Variants in ZNF827 observed in about 807,000 individuals in gnomAD.
ZNF827 encodes the protein zinc finger protein 827.
In ZNF827, 13 loss-of-function variants were observed where a neutral mutation model predicts 102.4. The ratio of observed to expected loss-of-function variants is 0.13; its 90% confidence interval spans 0.08 to 0.20. The LOEUF (loss-of-function observed/expected upper bound fraction) is 0.20, where lower values mean the gene tolerates loss of function less well. Among genes scored for constraint, ZNF827 ranks in the 10% least tolerant of loss-of-function variants. The pLI is 1.00. For missense variants in ZNF827, 1,103 were observed against 1,344.4 expected, an observed-to-expected ratio of 0.82 and a Z score of 2.81; for synonymous variants, 523 against 536.2, an observed-to-expected ratio of 0.98 and a Z score of 0.34.
chr4:145,804,622 TG>T, intron 8 of ZNF827, among the ~76,000 whole-genome samples: 1 of 152,232 alleles, frequency 6.6e-6, no homozygotes, highest in Admixed American at 6.5e-5. Flanking sequence ...AGGTGGGAAC[TG>T]GTACATTTAG....
chr4:145,871,132 T>C (rs1748649551), intron 4 of ZNF827, among the ~76,000 whole-genome samples: 1 of 152,150 alleles, frequency 6.6e-6, no homozygotes, highest in Non-Finnish European at 1.5e-5. Flanking sequence ...ACAGTTTTTA[T>C]TTTGGAATAA....
intron 4 of ZNF827, among the ~76,000 whole-genome samples, chr4:145,873,997 C>A (rs1417788519): frequency 6.6e-6 from 1 of 151,348 alleles, no homozygotes; most frequent in Non-Finnish European, 1.5e-5. Flanking sequence ...TTTTAAAATT[C>A]TAAGATGAAG....
intron 7 of ZNF827, among the ~76,000 whole-genome samples, chr4:145,842,710 G>C (rs1200416113): frequency 1.3e-5 from 2 of 152,176 alleles, no homozygotes; most frequent in Middle Eastern, 6.3e-3. Flanking sequence ...GCATGAGAAA[G>C]GCAAGGGAAG....
chr4:145,768,060 T>C (rs948596772), intron 11 of ZNF827, among the ~76,000 whole-genome samples: 1 of 152,210 alleles, frequency 6.6e-6, no homozygotes, highest in East Asian at 1.9e-4. Flanking sequence ...ATGACAATAG[T>C]ATAAACGCTA....
chr4:145,854,237 A>G (rs539565325), intron 5 of ZNF827, among the ~76,000 whole-genome samples: 1 of 151,976 alleles, frequency 6.6e-6, no homozygotes, highest in Non-Finnish European at 1.5e-5. Flanking sequence ...TAAGTATTCA[A>G]GTTTCCCACA....
At chr4:145,901,153 C>T (rs914601201) in intron 2 of ZNF827, among the ~76,000 whole-genome samples, 23 of 152,298 alleles carry the variant, frequency 1.5e-4, no homozygotes, top group Middle Eastern at 3.4e-3. Flanking sequence ...ATTCCAAACC[C>T]TCTTCATCAT....
intron 8 of ZNF827, among the ~76,000 whole-genome samples, chr4:145,805,681 G>A (rs544139687): frequency 6.6e-6 from 1 of 152,202 alleles, no homozygotes; most frequent in East Asian, 1.9e-4. Context: ...CATTCCAATG[G>A]TTCCTGGCAT....
At chr4:145,918,420 A>G (rs1752835676) in intron 1 of ZNF827, among the ~76,000 whole-genome samples, 1 of 151,546 alleles carries the variant, frequency 6.6e-6, no homozygotes, top group African/African-American at 2.4e-5. Flanking sequence ...ATATATAAAA[A>G]AAAAAAGCGG....
At chr4:145,831,882 T>G (rs1744242848) in intron 7 of ZNF827, 1 of 152,030 alleles carries the variant, frequency 6.6e-6, no homozygotes, top group Admixed American at 6.6e-5. Flanking sequence ...GGTTAAAAAA[T>G]TTCATAATAA....
At chr4:145,789,771 G>A (rs928841903) in intron 8 of ZNF827, among the ~76,000 whole-genome samples, 6 of 152,122 alleles carry the variant, frequency 3.9e-5, no homozygotes, top group African/African-American at 1.2e-4. Context: ...TTACAATCTC[G>A]ATTTGTTCCA....
In ZNF827 at chr4:145,763,855, C is replaced by T. The variant is rs182271513; in HGVS notation, c.3231-733G>A. On this transcript the variant is annotated intron_variant, in intron 13 of 14. Transcript: ENST00000508784. This position sits in a 1 kb window ranked among gnomAD's most constrained non-coding sequence, Gnocchi z 4.6. ...CCCCTCCCCAATCCCTTCTGCCCTC[C>T]CCTCCCCCTCCCCCAAGAGTGAAAC... Among the ~76,000 whole-genome samples, 2,601 of 152,218 alleles carry T rather than the reference C, an allele frequency of 0.017. 56 individuals carry two copies. The highest frequency in any genetic ancestry group is 0.023 in the Non-Finnish European group (1,548 of 67,986).
chr4:145,881,405 T>C (rs1749651075), intron 4 of ZNF827, among the ~76,000 whole-genome samples: 1 of 152,224 alleles, frequency 6.6e-6, no homozygotes, highest in Non-Finnish European at 1.5e-5. Flanking sequence ...AAATTAAAAA[T>C]AGTTGAAATG....
In ZNF827 at chr4:145,849,521, C is replaced by G. The variant is rs1234830162; in HGVS notation, c.2022G>C (p.Glu674Asp). 6.2e-7 allele frequency: 1 copy of G among 1,614,062 alleles called. No individual in the cohort carries two copies. Among genetic ancestry groups the G allele is most frequent in the Non-Finnish European group, 8.5e-7 (1 of 1,180,036 alleles). ...CCTGGATGTCAACCTCCATGGGTTC[C>G]TCTTTAATCTTCACCATCTGTGTTT... ...YKETQMVKIK[E>D]EPMEVDIQDS... Residue 674 changes from glutamate to aspartate, a missense_variant, in exon 6 of 15, where the codon GAG becomes GAC. Physicochemically the swap from Glu to Asp is conservative, Grantham distance 45 (BLOSUM62 2). Around this residue, in one of 5 missense-constraint regions of ZNF827, gnomAD observed 243 missense variants for 251.6 expected, o/e 0.97. Transcript: ENST00000508784.
intron 6 of ZNF827, among the ~76,000 whole-genome samples, chr4:145,847,037 C>T (rs947839863): frequency 2.0e-5 from 3 of 151,974 alleles, no homozygotes; most frequent in African/African-American, 7.3e-5. Flanking sequence ...GCCTGTAGTC[C>T]CAGCTACTTG....
chr4:145,903,101 T>A lies in ZNF827; in HGVS notation c.158A>T (p.Lys53Met). ...ASYGEVQENY[K>M]LSLEDRIQEQ... ...CTGGATCCGGTCCTCCAGAGACAAC[T>A]TATAGTTCTCCTGGACTTCCCCATA... The change falls in exon 2 of 15, where the codon AAG (lysine) becomes ATG (methionine). Residue 53 changes from lysine to methionine, a missense_variant. Physicochemically the swap from Lys to Met is moderately conservative, Grantham distance 95. Coordinates refer to ENST00000508784, the MANE Select transcript of ZNF827 (RefSeq NM_001306215.2). 1 of 1,614,190 alleles carries A rather than the reference T, an allele frequency of 6.2e-7. No homozygotes were observed. Among genetic ancestry groups the A allele is most frequent in the Admixed American group, 1.7e-5 (1 of 60,028 alleles).
chr4:145,846,766 G>A (rs764744984), intron 6 of ZNF827, among the ~76,000 whole-genome samples: 3,341 of 139,994 alleles, frequency 0.024, 83 homozygotes, highest in East Asian at 0.12. Flanking sequence ...GCAGCGAGCC[G>A]AGATCGCGCC....
At chr4:145,911,068 GA>G (rs1349479336) in intron 1 of ZNF827, among the ~76,000 whole-genome samples, 1 of 152,192 alleles carries the variant, frequency 6.6e-6, no homozygotes, top group Non-Finnish European at 1.5e-5. Flanking sequence ...GTCAGTGATG[GA>G]AATAAGAACT....
At chr4:145,889,570 T>TC (rs1428393181) in intron 3 of ZNF827, among the ~76,000 whole-genome samples, 6 of 151,484 alleles carry the variant, frequency 4.0e-5, no homozygotes. Flanking sequence ...TTTTTTTTTT[T>TC]TGAGACGGAG....
At chr4:145,882,494 G>A (rs1047933476) in intron 4 of ZNF827, among the ~76,000 whole-genome samples, 1 of 151,920 alleles carries the variant, frequency 6.6e-6, no homozygotes, top group African/African-American at 2.4e-5. Context: ...AATCATGCAC[G>A]TTAAGAAACC....
Sources: gnomAD v4.1 joint callset for allele counts (sites outside exome capture counted in the v4.1 genomes callset) on GRCh38, gnomAD v4.1.1 for gene constraint, gnomAD v4.1.1 regional missense constraint, Gnocchi (gnomAD v3.1) non-coding constraint, MANE v1.5 for transcripts, NCBI Gene and HGNC (gene_info 2026-07-23, HGNC 2026-07-21) for gene names.